NKAIN3: variants seen among roughly 807,000 people sequenced by gnomAD.
The protein encoded by NKAIN3 is sodium/potassium-transporting ATPase subunit beta-1-interacting protein 3.
NKAIN3 carries 25 observed loss-of-function variants against 30.2 expected under a neutral mutation model. That is an observed-to-expected ratio of 0.83 (90% CI 0.60 to 1.16). The LOEUF is 1.16. Ranked by LOEUF, NKAIN3 falls within the 50% of genes most tolerant of loss-of-function variation. The pLI is 0.00. For synonymous variants in NKAIN3, 91 were observed against 89.6 expected, an observed-to-expected ratio of 1.02 and a Z score of -0.09; for missense variants, 225 against 254.1, an observed-to-expected ratio of 0.89 and a Z score of 0.78.
At chr8:62,609,346 A>G (rs1488450189) in intron 3 of NKAIN3, among the ~76,000 whole-genome samples, 2 of 152,190 alleles carry the variant, frequency 1.3e-5, no homozygotes, top group Non-Finnish European at 2.9e-5. Flanking sequence ...AATGTGCTGA[A>G]GGCATTGTAC....
intron 3 of NKAIN3, among the ~76,000 whole-genome samples, chr8:62,608,725 T>C (rs1365059006): frequency 6.6e-6 from 1 of 152,178 alleles, no homozygotes; most frequent in Non-Finnish European, 1.5e-5. Context: ...TCACAAATAT[T>C]TTTATAATTA....
chr8:62,278,071 G>A (rs1283709560), intron 1 of NKAIN3, among the ~76,000 whole-genome samples: 4 of 152,138 alleles, frequency 2.6e-5, no homozygotes, highest in Non-Finnish European at 5.9e-5. Flanking sequence ...GAGGAACAAG[G>A]CGTTGATGTG....
intron 3 of NKAIN3, among the ~76,000 whole-genome samples, chr8:62,703,809 C>A (rs771705342): frequency 2.0e-5 from 3 of 152,200 alleles, no homozygotes; most frequent in Non-Finnish European, 2.9e-5. Context: ...CTGGGCATAA[C>A]ATCATTTTTT....
intron 1 of NKAIN3, among the ~76,000 whole-genome samples, chr8:62,546,571 G>A (rs2129915689): frequency 6.6e-6 from 1 of 152,210 alleles, no homozygotes; most frequent in South Asian, 2.1e-4. Context: ...TCTTCAAATG[G>A]CCTATTGCTT....
chr8:62,514,063 T>G (rs1240309167), intron 1 of NKAIN3, among the ~76,000 whole-genome samples: 2 of 151,304 alleles, frequency 1.3e-5, no homozygotes, highest in African/African-American at 4.9e-5. Flanking sequence ...CTTCCAAGAG[T>G]TCCTGTTATT....
intron 4 of NKAIN3, among the ~76,000 whole-genome samples, chr8:62,820,672 G>A (rs1818821025): frequency 6.6e-6 from 1 of 152,118 alleles, no homozygotes; most frequent in South Asian, 2.1e-4. Context: ...GAAAGAACTT[G>A]TAGGCTGAAA....
intron 1 of NKAIN3, among the ~76,000 whole-genome samples, chr8:62,461,037 A>G (rs1364924613): frequency 6.6e-6 from 1 of 152,234 alleles, no homozygotes; most frequent in Non-Finnish European, 1.5e-5. Flanking sequence ...CTGCTCAGGG[A>G]AAACCTGAGA....
chr8:62,651,565 C>T (rs1563500597), intron 3 of NKAIN3, among the ~76,000 whole-genome samples: 1 of 152,168 alleles, frequency 6.6e-6, no homozygotes, highest in Non-Finnish European at 1.5e-5. Context: ...CAGATAAAGG[C>T]AACAGCACAT....
chr8:62,358,923 T>G (rs1816446852), intron 1 of NKAIN3, among the ~76,000 whole-genome samples: 1 of 152,218 alleles, frequency 6.6e-6, no homozygotes. Flanking sequence ...GGCTCACGCC[T>G]GTAATCCCAG....
At chr8:62,266,660 G>A (rs1295934673) in intron 1 of NKAIN3, among the ~76,000 whole-genome samples, 2 of 152,122 alleles carry the variant, frequency 1.3e-5, no homozygotes, top group Non-Finnish European at 2.9e-5. Flanking sequence ...ACCAGACAAG[G>A]TTGAGGACTA....
chr8:62,624,415 C>G (rs1267237310), intron 3 of NKAIN3, among the ~76,000 whole-genome samples: 1 of 151,432 alleles, frequency 6.6e-6, no homozygotes, highest in Non-Finnish European at 1.5e-5. Context: ...CTTTAAATAT[C>G]TAACTCTACT....
At chr8:62,423,410 T>C (rs1372367934) in intron 1 of NKAIN3, among the ~76,000 whole-genome samples, 1 of 149,748 alleles carries the variant, frequency 6.7e-6, no homozygotes, top group African/African-American at 2.4e-5. Flanking sequence ...TCTCTATGTA[T>C]ATATAACATT....
intron 4 of NKAIN3, among the ~76,000 whole-genome samples, chr8:62,874,339 A>G (rs953034259): frequency 2.0e-5 from 3 of 152,192 alleles, no homozygotes; most frequent in Non-Finnish European, 4.4e-5. Context: ...GCAGTAATTA[A>G]TAGCCTACCA....
chr8:62,864,300 G>A (rs1820353798), intron 4 of NKAIN3: 2 of 1,394,456 alleles, frequency 1.4e-6, no homozygotes, highest in Non-Finnish European at 2.0e-6. Flanking sequence ...ACCAGGAAGA[G>A]AAAGAAGACC....
At chr8:62,740,644 G>T (rs201325209) in intron 3 of NKAIN3, among the ~76,000 whole-genome samples, 5 of 151,508 alleles carry the variant, frequency 3.3e-5, no homozygotes, top group Admixed American at 6.6e-5. Flanking sequence ...AGTGAATATT[G>T]TTTTTTTTAG....
chr8:62,648,933 C>T (rs1385266487), intron 3 of NKAIN3, among the ~76,000 whole-genome samples: 2 of 152,026 alleles, frequency 1.3e-5, no homozygotes, highest in African/African-American at 2.4e-5. Context: ...CAATGGCATC[C>T]GGAGCTGGAA....
At chr8:62,400,468 G>C (rs547800024) in intron 1 of NKAIN3, among the ~76,000 whole-genome samples, 47 of 152,098 alleles carry the variant, frequency 3.1e-4, no homozygotes, top group African/African-American at 1.0e-3. Context: ...CATGACACCT[G>C]GTCAAATGCT....
rs559897726 is a variant in NKAIN3 at position 62,541,158 on chromosome 8, G to GA, written c.55-38371dup. Among the ~76,000 whole-genome samples, 213 of 147,518 alleles carry GA rather than the reference G, an allele frequency of 1.4e-3. 1 individual carries two copies. In the East Asian group the frequency reaches 0.016, roughly 11 times the overall value. Reference sequence around the variant, plus strand: ...AACCCGGTCTCAACTAAAAATACAAGAAAAAAAAAATAGCCAGGTGTGGTG... The same window carrying GA: ...AACCCGGTCTCAACTAAAAATACAAGAAAAAAAAAAATAGCCAGGTGTGGTG... On this transcript the variant is annotated intron_variant, in intron 1 of 6. Transcript: ENST00000623646.
intron 3 of NKAIN3, among the ~76,000 whole-genome samples, chr8:62,604,615 A>T (rs1811070629): frequency 6.6e-6 from 1 of 152,154 alleles, no homozygotes; most frequent in African/African-American, 2.4e-5. Context: ...AGGCTCTGAG[A>T]ACTTATTTAT....
Sources: gnomAD v4.1 joint callset for allele counts (sites outside exome capture counted in the v4.1 genomes callset) on GRCh38, gnomAD v4.1.1 for gene constraint, MANE v1.5 for transcripts, NCBI Gene and HGNC (gene_info 2026-07-23, HGNC 2026-07-21) for gene names.